Variants in GNPTAB observed in about 807,000 individuals in gnomAD.
GNPTAB encodes the protein N-acetylglucosamine-1-phosphate transferase subunits alpha and beta, also known as N-acetylglucosamine-1-phosphotransferase subunits alpha/beta.
In GNPTAB, 92 loss-of-function variants were observed where a neutral mutation model predicts 136.6. That is an observed-to-expected ratio of 0.67 (90% confidence interval 0.57 to 0.80). GNPTAB has a LOEUF of 0.80. Among genes scored for constraint, GNPTAB ranks in the 30% least tolerant of loss-of-function variants. The pLI is 0.00. For synonymous variants in GNPTAB, 512 were observed against 535.1 expected (o/e 0.96, Z 0.60); for missense variants, 1,343 against 1,501.8 (o/e 0.89, Z 1.75).
rs140518816 is a variant in GNPTAB, at chr12:101,770,492, C to T, written c.1027G>A (p.Val343Ile). ...TTGGTGACAATGAAAATATTCCGAA[C>T]CCATGGTGCATGCCTCTCGATAGAT... ...LRSIERHAPW[V>I]RNIFIVTNGQ... Residue 343 changes from valine (V) to isoleucine (I), a missense_variant, in exon 9 of 21, where the codon GTT becomes ATT. By Grantham distance (29) the Val-to-Ile change is conservative (BLOSUM62 3). Transcript: ENST00000299314. 16 of 1,613,494 alleles carry T rather than the reference C, an allele frequency of 9.9e-6. No individual in the cohort carries two copies. The Admixed American group carries it at 2.7e-4, about 27-fold the overall frequency.
At chr12:101,800,066 C>G (rs1376646303) in intron 1 of GNPTAB, among the ~76,000 whole-genome samples, 6 of 152,160 alleles carry the variant, frequency 3.9e-5, no homozygotes, top group African/African-American at 1.2e-4. Context: ...CATTCCCTGA[C>G]AGGGCTTATA....
chr12:101,765,472 T>A (rs1237468524), intron 12 of GNPTAB, 168 bp from the exon 13 acceptor site: 1 of 613,380 alleles, frequency 1.6e-6, no homozygotes, highest in African/African-American at 1.9e-5. Flanking sequence ...ATGCCTAAAC[T>A]GTTCTAATTT....
intron 11 of GNPTAB, among the ~76,000 whole-genome samples, chr12:101,766,828 T>C (rs954573722): frequency 1.7e-4 from 26 of 152,226 alleles, no homozygotes; most frequent in African/African-American, 5.8e-4. Flanking sequence ...ATTTTGTAGC[T>C]GTGCAACCTA....
intron 1 of GNPTAB, among the ~76,000 whole-genome samples, chr12:101,822,719 T>C (rs1870874545): frequency 6.6e-6 from 1 of 152,196 alleles, no homozygotes; most frequent in Admixed American, 6.5e-5. Context: ...CTGAAGACTC[T>C]AATTGCTGAA....
At chr12:101,790,138 C>T (rs1868899200) in intron 2 of GNPTAB, 81 bp from the exon 3 acceptor site, 3 of 1,589,320 alleles carry the variant, frequency 1.9e-6, no homozygotes, top group East Asian at 4.5e-5. Context: ...GGGTTTAAAC[C>T]CAGAGATTAT....
At chr12:101,752,885 G>A (rs1952840840) in intron 19 of GNPTAB, among the ~76,000 whole-genome samples, 1 of 152,124 alleles carries the variant, frequency 6.6e-6, no homozygotes, top group Non-Finnish European at 1.5e-5. Context: ...GCAAATAAAT[G>A]TCTTTCAAAT....
intron 1 of GNPTAB, among the ~76,000 whole-genome samples, chr12:101,802,120 C>T (rs1869670513): frequency 6.7e-6 from 1 of 149,448 alleles, no homozygotes; most frequent in Admixed American, 6.7e-5. Context: ...ATCACTTTAG[C>T]CCAAGAGTTG....
chr12:101,780,974 A>G (rs1017098444), intron 5 of GNPTAB, among the ~76,000 whole-genome samples: 2 of 152,218 alleles, frequency 1.3e-5, no homozygotes, highest in Non-Finnish European at 2.9e-5. Flanking sequence ...TGACTAGAGT[A>G]AAATATTTGG....
At chr12:101,780,736 C>CA in intron 5 of GNPTAB, 115 bp from the exon 6 acceptor site, 2 of 762,874 alleles carry the variant, frequency 2.6e-6, no homozygotes, top group Non-Finnish European at 4.6e-6. Flanking sequence ...ATATATGGTC[C>CA]AAAAAAAGGA....
At chr12:101,795,999 T>C (rs1869260313) in intron 2 of GNPTAB, 1 of 436,396 alleles carries the variant, frequency 2.3e-6, no homozygotes. Flanking sequence ...GAAGACTGCG[T>C]TCCAGAATGG....
intron 13 of GNPTAB, among the ~76,000 whole-genome samples, chr12:101,763,710 G>A (rs183604315): frequency 5.3e-4 from 81 of 152,306 alleles, no homozygotes; most frequent in African/African-American, 1.9e-3. Context: ...AGCACCGTGA[G>A]AGCACTGAGG....
intron 3 of GNPTAB, 46 bp downstream of exon 3, chr12:101,789,892 C>T (rs1324510320): frequency 1.3e-6 from 2 of 1,574,712 alleles, no homozygotes; most frequent in Non-Finnish European, 1.7e-6. Flanking sequence ...GACCTTATTA[C>T]ATCGCCACAT....
chr12:101,797,637 A>T (rs1321403077), intron 1 of GNPTAB, among the ~76,000 whole-genome samples: 1 of 152,126 alleles, frequency 6.6e-6, no homozygotes, highest in East Asian at 1.9e-4. Context: ...AAACCAAAAA[A>T]CCAAGAAACA....
intron 7 of GNPTAB, among the ~76,000 whole-genome samples, chr12:101,775,806 A>G: frequency 6.6e-6 from 1 of 152,208 alleles, no homozygotes; most frequent in Non-Finnish European, 1.5e-5. Flanking sequence ...GTGGTTTCAG[A>G]GAATTATCTA....
At chr12:101,821,396 G>A (rs1315337521) in intron 1 of GNPTAB, among the ~76,000 whole-genome samples, 1 of 152,224 alleles carries the variant, frequency 6.6e-6, no homozygotes, top group African/African-American at 2.4e-5. Flanking sequence ...GCTGAGCACA[G>A]AAATAGCAAA....
At chr12:101,805,833 A>G (rs1566094852) in intron 1 of GNPTAB, among the ~76,000 whole-genome samples, 1 of 152,204 alleles carries the variant, frequency 6.6e-6, no homozygotes, top group Non-Finnish European at 1.5e-5. Context: ...CAAGAAACAT[A>G]TGCCGAGGAA....
Position 101,771,013 on chromosome 12 carries a change from G to T in GNPTAB, c.916C>A (p.Leu306Met). ...TCCCTTACCTGGCTGATGGCGCTCA[G>T]ATCCCATAATAAATATGCAGGACTT... ...TISPAYLLWD[L>M]SAISQSKQDE... Residue 306 changes from leucine (L) to methionine (M), a missense_variant, in exon 8 of 21, where the codon CTG becomes ATG. Physicochemically the swap from Leu to Met is conservative, Grantham distance 15 (BLOSUM62 2). Transcript: ENST00000299314. 6.2e-7 allele frequency: 1 copy of T among 1,614,058 alleles called. No individual in the cohort carries two copies.
At chr12:101,803,842 A>C (rs1429095249) in intron 1 of GNPTAB, among the ~76,000 whole-genome samples, 1 of 152,174 alleles carries the variant, frequency 6.6e-6, no homozygotes, top group Non-Finnish European at 1.5e-5. Flanking sequence ...CCACGGAGAG[A>C]GAGCTGAGAT....
Position 101,780,580 on chromosome 12 carries a change from G to A in GNPTAB, c.613C>T (p.Gln205Ter), listed in dbSNP as rs1953327287. 3 of 1,610,788 alleles carry A rather than the reference G, an allele frequency of 1.9e-6. No homozygotes were observed. The highest frequency in any genetic ancestry group is 1.3e-5 in the African/African-American group (1 of 74,836). The change falls in exon 6 of 21, where the codon CAG becomes TAG. Residue 205 changes from glutamine to a stop codon, truncating the protein, a stop_gained. Transcript: ENST00000299314. LOFTEE classifies it high-confidence loss of function. ...ACCAAGTAGCCCCTCCATACTGTCT[G>A]TCTGCTATTTCCTTTAAGCAGTCCA... ...HSGLLKGNSR[Q>*]TVWRGYLTTD... is the part of the protein sequence containing the mutation.
Sources: gnomAD v4.1 joint callset for allele counts (sites outside exome capture counted in the v4.1 genomes callset) on GRCh38, gnomAD v4.1.1 for gene constraint, MANE v1.5 for transcripts, NCBI Gene and HGNC (gene_info 2026-07-23, HGNC 2026-07-21) for gene names.